The following PHLDB2 variants were observed in gnomAD, a reference collection of about 807,000 sequenced individuals.
PHLDB2 encodes pleckstrin homology-like domain family B member 2.
In PHLDB2, 71 loss-of-function variants were observed where a neutral mutation model predicts 123.6. That is an observed-to-expected ratio of 0.57 (90% CI 0.47 to 0.70). PHLDB2 has a LOEUF of 0.70. PHLDB2 is among the 30% of genes least tolerant of loss of function. The pLI, the probability that PHLDB2 is intolerant of heterozygous loss-of-function variation, is 0.00. For synonymous variants in PHLDB2, 547 were observed against 541.6 expected (o/e 1.01, Z -0.14); for missense variants, 1,446 against 1,519.5 (o/e 0.95, Z 0.80).
At chr3:111,779,007 C>T (rs1052835370) in intron 1 of PHLDB2, among the ~76,000 whole-genome samples, 1 of 152,016 alleles carries the variant, frequency 6.6e-6, no homozygotes, top group African/African-American at 2.4e-5. Flanking sequence ...AATAGTGGCT[C>T]TCAAAATTTT....
intron 2 of PHLDB2, among the ~76,000 whole-genome samples, chr3:111,887,418 G>C (rs2066238162): frequency 6.6e-6 from 1 of 152,152 alleles, no homozygotes; most frequent in Non-Finnish European, 1.5e-5. Flanking sequence ...TGTGGTAAAA[G>C]GGATGACGGA....
chr3:111,910,268 G>A (rs1458255786), intron 2 of PHLDB2, among the ~76,000 whole-genome samples: 1 of 151,934 alleles, frequency 6.6e-6, no homozygotes, highest in African/African-American at 2.4e-5. Context: ...AGGAGAAATG[G>A]GAATGGCGAA....
At chr3:111,752,047 A>T (rs986924424) in intron 1 of PHLDB2, among the ~76,000 whole-genome samples, 1 of 152,196 alleles carries the variant, frequency 6.6e-6, no homozygotes, top group African/African-American at 2.4e-5. Context: ...AATTGTTCAA[A>T]ACTAACTCAA....
chr3:111,747,564 AGTTG>A (rs964433997), intron 1 of PHLDB2, among the ~76,000 whole-genome samples: 1 of 152,122 alleles, frequency 6.6e-6, no homozygotes, highest in African/African-American at 2.4e-5. Context: ...TCACCCATAA[AGTTG>A]GCCCAGCTTC....
In PHLDB2 at chr3:111,884,676, G is replaced by A. The variant is rs767238053; in HGVS notation, c.599G>A (p.Ser200Asn). The A allele has an allele frequency of 3.7e-6, 6 of 1,614,142 alleles. No homozygotes were observed. The highest frequency in any genetic ancestry group is 3.3e-5 in the Admixed American group (2 of 60,016). ...PPPISRSGAA[S>N]MPSSPKQARK... ...CCTATCAGCAGATCGGGAGCCGCAA[G>A]CATGCCTTCAAGCCCAAAGCAAGCC... The change falls in exon 2 of 18, where the codon AGC becomes AAC. Residue 200 changes from serine to asparagine, a missense_variant. Around this residue, in one of 3 missense-constraint regions of PHLDB2, gnomAD observed 832 missense variants for 831.9 expected, o/e 1.00. Coordinates refer to ENST00000431670, the MANE Select transcript of PHLDB2 (RefSeq NM_001134438.2).
At position 111,815,126 on chromosome 3, in the gene PHLDB2, C is replaced by T. The variant is rs180796050; in HGVS notation, c.-48-30695C>T. On this transcript the variant is annotated intron_variant, in intron 1 of 17. Coordinates refer to the PHLDB2 transcript ENST00000393923. ...CTCCTCCTTGCCTTTCACCTTCCAC[C>T]ATGATTGTGAGGCCTCCCCATCCAT... 9.1e-4 allele frequency among the ~76,000 whole-genome samples: 138 copies of T among 152,290 alleles called. 1 individual carries two copies. Among genetic ancestry groups the T allele is most frequent in the Non-Finnish European group, 1.8e-3 (120 of 68,022 alleles).
chr3:111,775,278 C>G (rs926666341), intron 1 of PHLDB2, among the ~76,000 whole-genome samples: 50 of 152,096 alleles, frequency 3.3e-4, no homozygotes, highest in Admixed American at 6.6e-4. Flanking sequence ...GGTCCACACC[C>G]TTAGAAAACA....
rs746395428 is a variant in PHLDB2 at position 111,962,279 on chromosome 3, G to A, written c.3044G>A (p.Ser1015Asn). The change falls in exon 13 of 18, where the codon AGC (serine) becomes AAC (asparagine). Residue 1015 changes from serine to asparagine, a missense_variant. Transcript: ENST00000431670. ...GATAGCTCTGATAGCATGGAGACCA[G>A]CATCTCTGCTTGCTCACCAGACAAC... ...SLDSSDSMET[S>N]ISACSPDNIS... The A allele has an allele frequency of 1.3e-6, 2 of 1,584,698 alleles. No homozygotes were observed. The highest frequency in any genetic ancestry group is 4.0e-5 in the Admixed American group (2 of 49,986).
chr3:111,786,013 C>T (rs2108146427), intron 1 of PHLDB2, among the ~76,000 whole-genome samples: 1 of 152,160 alleles, frequency 6.6e-6, no homozygotes, highest in African/African-American at 2.4e-5. Context: ...GCAAATCTTA[C>T]TTAAATAAAA....
At position 111,952,556 on chromosome 3, in the gene PHLDB2, G is replaced by A; in HGVS notation, c.2632-16G>A. ...TAGTCAAGTTTTGCTATTTTGCTTT[G>A]CATTTGCATTTAAAGCACTTTAGAA... is the stretch of plus-strand genomic sequence containing the variant. On this transcript the variant is annotated splice_polypyrimidine_tract_variant and intron_variant, in intron 10 of 17. Transcript: ENST00000431670. 1 of 1,603,728 alleles carries A rather than the reference G, an allele frequency of 6.2e-7. No individual in the cohort carries two copies. Among genetic ancestry groups the A allele is most frequent in the African/African-American group, 1.3e-5 (1 of 74,098 alleles).
At chr3:111,962,043 T>G in intron 12 of PHLDB2, 65 bp from the exon 13 acceptor site, 2 of 1,450,048 alleles carry the variant, frequency 1.4e-6, no homozygotes, top group Non-Finnish European at 1.9e-6. Context: ...CTTGTGTCTG[T>G]AGATGTTTAA....
rs574791057 is a variant in PHLDB2, at chr3:111,877,864, A to G, written c.-14-6200A>G. 6.6e-5 allele frequency among the ~76,000 whole-genome samples: 10 copies of G among 151,776 alleles called. No individual in the cohort carries two copies. The East Asian group carries it at 1.9e-3, about 29-fold the overall frequency. On this transcript the variant is annotated intron_variant, in intron 1 of 17. Coordinates refer to ENST00000431670, the MANE Select transcript of PHLDB2 (RefSeq NM_001134438.2). ...CTTGTTTTTGTCAAGTTTGTCAAAGATCAGATGGTTGTAGATGGGTGGTGT... is the reference window on the plus strand; with the variant it reads ...CTTGTTTTTGTCAAGTTTGTCAAAGGTCAGATGGTTGTAGATGGGTGGTGT...
At chr3:111,822,164 C>A (rs1244446641) in intron 1 of PHLDB2, among the ~76,000 whole-genome samples, 1 of 152,036 alleles carries the variant, frequency 6.6e-6, no homozygotes, top group Non-Finnish European at 1.5e-5. Context: ...TTCCAGTCCA[C>A]TTTTTGATGC....
rs2059765741 is a variant in PHLDB2 at position 111,751,168 on chromosome 3, G to GT, written c.-49+18465_-49+18466insT. Among the ~76,000 whole-genome samples, 6 of 144,124 alleles carry GT rather than the reference G, an allele frequency of 4.2e-5. No individual in the cohort carries two copies. In the East Asian group the frequency reaches 1.0e-3, roughly 25 times the overall value. 94.6% of individuals were successfully genotyped at this position (144,124 alleles called of 152,430 possible). A position where few individuals can be genotyped will look rare whatever the true frequency, so the allele number is the denominator to read the frequency against. On this transcript the variant is annotated intron_variant, in intron 1 of 17. Transcript: ENST00000393923. ...GAAAAAAGCAGAAAGGAGACAATGG[G>GT]GTGTGTGTGTGTGTGTGTGTGTGTG... is the stretch of plus-strand genomic sequence containing the variant.
chr3:111,779,101 A>G (rs4390898), intron 1 of PHLDB2, among the ~76,000 whole-genome samples: 40,583 of 151,772 alleles, frequency 0.27, 6,865 homozygotes, highest in African/African-American at 0.48. Flanking sequence ...GTAGGTCTGG[A>G]GAAAAAACTA....
chr3:111,851,373 A>G (rs2064249015), intron 2 of PHLDB2, among the ~76,000 whole-genome samples: 1 of 151,814 alleles, frequency 6.6e-6, no homozygotes, highest in African/African-American at 2.4e-5. Flanking sequence ...TCCATCAGTG[A>G]CCCAACAGCC....
chr3:111,884,103 AG>A lies in PHLDB2; in HGVS notation c.28del (p.Glu10SerfsTer2). 6.2e-7 allele frequency: 1 copy of A among 1,613,828 alleles called. No homozygotes were observed. The highest frequency in any genetic ancestry group is 8.5e-7 in the Non-Finnish European group (1 of 1,179,824). Reference protein sequence around the residue: MEEHSYIQKELDLQNGSLE... With the variant: MEEHSYIQXELDLQNGSLE... ...ATGGAAGAGCATAGCTACATACAAA[AG>A]GAGCTAGATTTACAAAATGGTAGCT... On this transcript the variant is annotated frameshift_variant, in exon 2 of 18. Coordinates refer to ENST00000431670, the MANE Select transcript of PHLDB2 (RefSeq NM_001134438.2). LOFTEE classifies it high-confidence loss of function.
chr3:111,845,583 T>C (rs2063941122), intron 1 of PHLDB2, among the ~76,000 whole-genome samples: 2 of 152,202 alleles, frequency 1.3e-5, no homozygotes, highest in South Asian at 4.1e-4. Flanking sequence ...CTATTCTAGA[T>C]AAAAGTGTGC....
intron 1 of PHLDB2, among the ~76,000 whole-genome samples, chr3:111,755,534 TTC>T: frequency 6.8e-6 from 1 of 147,118 alleles, no homozygotes; most frequent in African/African-American, 2.5e-5. Flanking sequence ...TATTTGATTC[TTC>T]TCTCTTTTCT....
Sources: allele counts gnomAD v4.1 joint callset (sites outside exome capture counted in the v4.1 genomes callset), GRCh38; gene constraint gnomAD v4.1.1; regional missense constraint gnomAD v4.1.1; transcripts MANE v1.5; gene names NCBI Gene and HGNC (gene_info 2026-07-23, HGNC 2026-07-21).